The following FLVCR2 variants were observed in gnomAD, a reference collection of about 807,000 sequenced individuals.
FLVCR2 encodes FLVCR choline and putative heme transporter 2.
FLVCR2 carries 38 observed loss-of-function variants against 48.9 expected under a neutral mutation model. The observed-to-expected ratio is 0.78, with a 90% CI of 0.60 to 1.02. FLVCR2 has a LOEUF of 1.02. FLVCR2 is among the 50% of genes least tolerant of loss of function. The pLI is 0.00. For missense variants in FLVCR2, 664 were observed against 663.3 expected (o/e 1.00, Z -0.01); for synonymous variants, 255 against 257.0 (o/e 0.99, Z 0.07).
chr14:75,634,669 G>A (rs1234636439), intron 4 of FLVCR2, among the ~76,000 whole-genome samples: 2 of 152,230 alleles, frequency 1.3e-5, no homozygotes, highest in African/African-American at 2.4e-5. Context: ...TCTAAGAACA[G>A]ATTTGGTTCA....
chr14:75,605,746 A>G (rs1889275933), intron 1 of FLVCR2: 1 of 960,302 alleles, frequency 1.0e-6, no homozygotes. Flanking sequence ...GGAGTTGAAC[A>G]CAAGTATTTT....
intron 1 of FLVCR2, among the ~76,000 whole-genome samples, chr14:75,579,899 C>T (rs773901542): frequency 6.6e-6 from 1 of 152,224 alleles, no homozygotes; most frequent in Admixed American, 6.5e-5. Flanking sequence ...TTCGCTGTGT[C>T]GTTCTCGAAC....
chr14:75,583,088 A>C (rs889404105), intron 1 of FLVCR2, among the ~76,000 whole-genome samples: 1 of 152,212 alleles, frequency 6.6e-6, no homozygotes, highest in Non-Finnish European at 1.5e-5. Flanking sequence ...GGGTCAGTCC[A>C]AGTGAAAGCG....
chr14:75,603,216 G>C (rs1489866160), intron 1 of FLVCR2, among the ~76,000 whole-genome samples: 1 of 152,190 alleles, frequency 6.6e-6, no homozygotes, highest in Non-Finnish European at 1.5e-5. Flanking sequence ...GCAGCCCAAA[G>C]TGAGAACTTT....
chr14:75,643,068 G>T (rs1380551330), intron 9 of FLVCR2, among the ~76,000 whole-genome samples: 1 of 152,146 alleles, frequency 6.6e-6, no homozygotes, highest in East Asian at 1.9e-4. Flanking sequence ...CACCATGTTG[G>T]CCAGTCTGGT....
intron 3 of FLVCR2, chr14:75,631,739 C>G (rs1286308988): frequency 6.6e-6 from 3 of 456,004 alleles, no homozygotes; most frequent in Non-Finnish European, 1.3e-5. Flanking sequence ...TCTTTCTTCT[C>G]CTTCCCACGC....
At chr14:75,588,348 A>T (rs1888799692) in intron 1 of FLVCR2, among the ~76,000 whole-genome samples, 1 of 152,206 alleles carries the variant, frequency 6.6e-6, no homozygotes, top group Admixed American at 6.5e-5. Flanking sequence ...TTTTATGACA[A>T]ACCCACCCTC....
chr14:75,593,379 C>T (rs1266243532), intron 1 of FLVCR2, among the ~76,000 whole-genome samples: 1 of 152,170 alleles, frequency 6.6e-6, no homozygotes, highest in African/African-American at 2.4e-5. Context: ...GGCGTGCCTG[C>T]AGCCTGCAGG....
chr14:75,578,931 A>T lies in FLVCR2; in HGVS notation c.-42A>T. ...GGCCACTGTCCCTTAAGACTGCCGGAGTCCTCACCACTTCTCCAGGATTCC... is the reference window on the plus strand; with the variant it reads ...GGCCACTGTCCCTTAAGACTGCCGGTGTCCTCACCACTTCTCCAGGATTCC... On this transcript the variant is annotated 5_prime_UTR_variant, in exon 1 of 10. Transcript: ENST00000238667. The T allele has an allele frequency of 3.8e-6, 6 of 1,592,792 alleles. No homozygotes were observed. The highest frequency in any genetic ancestry group is 5.2e-6 in the Non-Finnish European group (6 of 1,160,694).
Position 75,578,985 on chromosome 14 carries a change from G to A in FLVCR2, c.13G>A (p.Gly5Ser), listed in dbSNP as rs1888522486. The A allele has an allele frequency of 6.2e-7, 1 of 1,614,092 alleles. No homozygotes were observed. Among genetic ancestry groups the A allele is most frequent in the East Asian group, 2.2e-5 (1 of 44,872 alleles). ...GGAGACTGTGGCGATGGTGAATGAAGGTCCCAACCAGGAAGAGAGCGATGA... is the reference window on the plus strand; with the variant it reads ...GGAGACTGTGGCGATGGTGAATGAAAGTCCCAACCAGGAAGAGAGCGATGA... MVNE[G>S]PNQEESDDTP... The change falls in exon 1 of 10, where the codon GGT (glycine) becomes AGT (serine). Residue 5 changes from glycine (G) to serine (S), a missense_variant. Physicochemically the swap from Gly to Ser is moderately conservative, Grantham distance 56 (BLOSUM62 0). Transcript: ENST00000238667.
intron 1 of FLVCR2, chr14:75,605,965 G>T: frequency 3.1e-6 from 1 of 318,136 alleles, no homozygotes; most frequent in Non-Finnish European, 6.1e-6. Flanking sequence ...AAGTCTATTT[G>T]CTGTGTTCAT....
chr14:75,626,754 G>A (rs1332573055), intron 3 of FLVCR2, among the ~76,000 whole-genome samples: 2 of 151,862 alleles, frequency 1.3e-5, no homozygotes, highest in African/African-American at 2.4e-5. Context: ...TGGCCTTTGG[G>A]GGCCCTTCTA....
intron 1 of FLVCR2, among the ~76,000 whole-genome samples, chr14:75,609,699 A>G (rs1889388772): frequency 6.6e-6 from 1 of 152,216 alleles, no homozygotes; most frequent in South Asian, 2.1e-4. Flanking sequence ...TTTACCCCTG[A>G]AAAAATCAGA....
chr14:75,631,714 G>A lies in FLVCR2; in HGVS notation c.953-1915G>A, dbSNP rs1446640774. On this transcript the variant is annotated intron_variant, in intron 3 of 9. Transcript: ENST00000238667. ...GAGCGGGAGGAATGAATGGGAAGAC[G>A]GGAGGAGACTATTTTCTTTCTTCTC... The A allele has an allele frequency of 4.4e-5, 20 of 454,800 alleles. No individual in the cohort carries two copies. The East Asian group carries it at 1.1e-3, about 25-fold the overall frequency. 28.2% of individuals were successfully genotyped at this position (454,800 alleles called of 1,614,324 possible).
chr14:75,603,244 G>A (rs942407933), intron 1 of FLVCR2, among the ~76,000 whole-genome samples: 1 of 152,298 alleles, frequency 6.6e-6, no homozygotes, highest in African/African-American at 2.4e-5. Flanking sequence ...TTTCCTGCTG[G>A]AATATTGCCT....
At chr14:75,602,864 A>G (rs2140019152) in intron 1 of FLVCR2, among the ~76,000 whole-genome samples, 1 of 152,370 alleles carries the variant, frequency 6.6e-6, no homozygotes, top group African/African-American at 2.4e-5. Flanking sequence ...GCAAACGAAC[A>G]AAAGATACTC....
At chr14:75,604,643 G>T (rs1889246956) in intron 1 of FLVCR2, among the ~76,000 whole-genome samples, 1 of 152,148 alleles carries the variant, frequency 6.6e-6, no homozygotes, top group African/African-American at 2.4e-5. Context: ...TCTTCTGTTG[G>T]TTCTGGATCT....
In FLVCR2 at chr14:75,624,724, CAA is replaced by C; in HGVS notation, c.925_926del (p.Asn309LeufsTer61). ...CCATCGCCCGGCTCTTCAAAAATCT[CAA>C]CTTTGTGCTGCTTGTCATCACCTAT... ...GSIARLFKNL[N>X]FVLLVITYGL... On this transcript the variant is annotated frameshift_variant, in exon 3 of 10. Transcript: ENST00000238667. LOFTEE classifies it high-confidence loss of function. 6.2e-7 allele frequency: 1 copy of C among 1,614,162 alleles called. No individual in the cohort carries two copies. Among genetic ancestry groups the C allele is most frequent in the Non-Finnish European group, 8.5e-7 (1 of 1,180,018 alleles).
intron 1 of FLVCR2, among the ~76,000 whole-genome samples, chr14:75,585,214 C>T (rs928014641): frequency 1.3e-5 from 2 of 152,000 alleles, no homozygotes; most frequent in East Asian, 1.9e-4. Flanking sequence ...TGGGATGAGT[C>T]GCATGGGAGC....
Sources: gnomAD v4.1 joint callset for allele counts (sites outside exome capture counted in the v4.1 genomes callset) on GRCh38, gnomAD v4.1.1 for gene constraint, MANE v1.5 for transcripts, NCBI Gene and HGNC (gene_info 2026-07-23, HGNC 2026-07-21) for gene names.